Variants in BMAL1 observed in about 807,000 individuals in gnomAD.
BMAL1 encodes the protein basic helix-loop-helix ARNT like 1.
At chr11:13,381,392 G>A in the BMAL1 span, 1 of 805,244 alleles carries the variant, frequency 1.2e-6, no homozygotes, top group Non-Finnish European at 2.0e-6. Flanking sequence ...ATGCATCTGT[G>A]TGAGGCTGGA....
the BMAL1 span, among the ~76,000 whole-genome samples, chr11:13,300,327 C>T: frequency 6.6e-6 from 1 of 152,176 alleles, no homozygotes; most frequent in African/African-American, 2.4e-5. Flanking sequence ...TGGCATTTGT[C>T]TAGCTAATGG....
the BMAL1 span, among the ~76,000 whole-genome samples, chr11:13,292,559 AT>A: frequency 6.6e-5 from 10 of 151,944 alleles, no homozygotes; most frequent in African/African-American, 2.2e-4. Flanking sequence ...AAAAAAAAAA[AT>A]AAAATAAAAT....
At chr11:13,293,414 G>A in the BMAL1 span, among the ~76,000 whole-genome samples, 1 of 152,228 alleles carries the variant, frequency 6.6e-6, no homozygotes, top group South Asian at 2.1e-4. Context: ...CAATAACAGT[G>A]ATGGCCTTTC....
chr11:13,317,756 GT>G, the BMAL1 span, among the ~76,000 whole-genome samples: 1 of 152,124 alleles, frequency 6.6e-6, no homozygotes, highest in African/African-American at 2.4e-5. Flanking sequence ...TGACTGTTTT[GT>G]TTTTTATCTC....
chr11:13,282,674 A>G, the BMAL1 span, among the ~76,000 whole-genome samples: 4 of 152,248 alleles, frequency 2.6e-5, no homozygotes, highest in Non-Finnish European at 4.4e-5. Context: ...CACACCTGGC[A>G]GCAATGTCCA....
At chr11:13,294,317 T>G in the BMAL1 span, among the ~76,000 whole-genome samples, 2 of 152,150 alleles carry the variant, frequency 1.3e-5, no homozygotes, top group Non-Finnish European at 2.9e-5. Flanking sequence ...TGGAGGAAAA[T>G]GCACTGAAAT....
the BMAL1 span, among the ~76,000 whole-genome samples, chr11:13,280,325 A>G: frequency 6.6e-6 from 1 of 152,402 alleles, no homozygotes; most frequent in African/African-American, 2.4e-5. Flanking sequence ...TTTCAGATTT[A>G]TCCCTTCACA....
At chr11:13,347,142 C>T in the BMAL1 span, among the ~76,000 whole-genome samples, 3 of 152,114 alleles carry the variant, frequency 2.0e-5, no homozygotes, top group African/African-American at 4.8e-5. Flanking sequence ...CCCATAATCC[C>T]AATACTTTGG....
chr11:13,374,033 A>G, the BMAL1 span: 869 of 1,475,960 alleles, frequency 5.9e-4, no homozygotes, highest in Non-Finnish European at 7.4e-4. Context: ...ATCCATTGCA[A>G]AGTTGCAATT....
the BMAL1 span, among the ~76,000 whole-genome samples, chr11:13,360,634 A>C: frequency 3.9e-5 from 6 of 152,334 alleles, no homozygotes; most frequent in Non-Finnish European, 7.3e-5. Flanking sequence ...CGTCTAGACA[A>C]AAATGGAAGG....
chr11:13,336,585 C>T, the BMAL1 span, among the ~76,000 whole-genome samples: 1 of 152,180 alleles, frequency 6.6e-6, no homozygotes, highest in Admixed American at 6.5e-5. Context: ...AACCTGAGGG[C>T]TCTCCAGTTG....
the BMAL1 span, among the ~76,000 whole-genome samples, chr11:13,330,481 C>G: frequency 1.3e-5 from 2 of 152,252 alleles, no homozygotes; most frequent in East Asian, 3.8e-4. Context: ...CATTGCAGAG[C>G]ATGCCATATC....
the BMAL1 span, among the ~76,000 whole-genome samples, chr11:13,383,564 C>G: frequency 6.6e-6 from 1 of 152,138 alleles, no homozygotes; most frequent in Non-Finnish European, 1.5e-5. Context: ...GATTGTCCAT[C>G]ATGGCTAGGT....
chr11:13,289,613 A>G, the BMAL1 span, among the ~76,000 whole-genome samples: 3 of 152,148 alleles, frequency 2.0e-5, no homozygotes, highest in Admixed American at 1.3e-4. Context: ...GTTCCCACCT[A>G]TAAGTGAGAA....
At chr11:13,288,287 T>A in the BMAL1 span, among the ~76,000 whole-genome samples, 1 of 152,170 alleles carries the variant, frequency 6.6e-6, no homozygotes, top group African/African-American at 2.4e-5. Flanking sequence ...AAGTGGTAGA[T>A]CCAGGCTTAA....
chr11:13,306,527 G>T, the BMAL1 span, among the ~76,000 whole-genome samples: 1 of 152,242 alleles, frequency 6.6e-6, no homozygotes, highest in Non-Finnish European at 1.5e-5. Flanking sequence ...AGATCTGGAA[G>T]ACTGGACTTA....
chr11:13,349,186 C>T, the BMAL1 span, among the ~76,000 whole-genome samples: 1 of 152,212 alleles, frequency 6.6e-6, no homozygotes, highest in African/African-American at 2.4e-5. Flanking sequence ...CGTGTGTGCC[C>T]AGGTGCACTT....
At chr11:13,372,288 G>A in the BMAL1 span, 3 of 1,614,150 alleles carry the variant, frequency 1.9e-6, no homozygotes, top group Non-Finnish European at 2.5e-6. Flanking sequence ...CTGCCTCGTC[G>A]CAATTGGACG....
At chr11:13,304,796 A>G in the BMAL1 span, among the ~76,000 whole-genome samples, 45 of 152,324 alleles carry the variant, frequency 3.0e-4, no homozygotes, top group Non-Finnish European at 5.4e-4. Context: ...GCTGAAGGGT[A>G]ACAACCCACA....
Sources: gnomAD v4.1 joint callset for allele counts (sites outside exome capture counted in the v4.1 genomes callset) on GRCh38, gnomAD v4.1.1 for gene constraint, MANE v1.5 for transcripts, NCBI Gene and HGNC (gene_info 2026-07-23, HGNC 2026-07-21) for gene names.